Variants in NSD1 observed in about 807,000 individuals in gnomAD.
The protein encoded by NSD1 is nuclear receptor binding SET domain protein 1.
NSD1 carries 26 observed loss-of-function variants against 242.7 expected under a neutral mutation model. That is an observed-to-expected ratio of 0.11 (90% CI 0.08 to 0.15). NSD1 has a LOEUF of 0.15. NSD1 is among the 10% of genes least tolerant of loss of function. NSD1 has a pLI of 1.00. For synonymous variants in NSD1, 1,106 were observed against 1,178.1 expected, an observed-to-expected ratio of 0.94 and a Z score of 1.25; for missense variants, 2,495 against 3,272.8, an observed-to-expected ratio of 0.76 and a Z score of 5.80.
intron 2 of NSD1, among the ~76,000 whole-genome samples, chr5:177,158,443 A>G (rs1022609832): frequency 8.6e-5 from 13 of 151,152 alleles, no homozygotes; most frequent in East Asian, 5.9e-4. Flanking sequence ...GGTTCAAGCA[A>G]TTCTCTGCCT....
At chr5:177,280,441 T>C in intron 17 of NSD1, 124 bp from the exon 18 acceptor site, 1 of 1,036,816 alleles carries the variant, frequency 9.6e-7, no homozygotes. Context: ...AAACTAAGTG[T>C]TGATAGTTCA....
intron 2 of NSD1, among the ~76,000 whole-genome samples, chr5:177,155,789 A>G (rs1758080389): frequency 6.6e-6 from 1 of 150,868 alleles, no homozygotes; most frequent in African/African-American, 2.4e-5. Flanking sequence ...TGGGTTAAGC[A>G]ATTCTTCTGC....
intron 12 of NSD1, among the ~76,000 whole-genome samples, chr5:177,254,528 T>A (rs1287256895): frequency 1.3e-5 from 2 of 151,990 alleles, no homozygotes; most frequent in Admixed American, 1.3e-4. Flanking sequence ...GTCTCCCGAG[T>A]AGCAAGGATA....
intron 2 of NSD1, chr5:177,136,302 C>T: frequency 5.6e-6 from 2 of 359,404 alleles, no homozygotes; most frequent in Non-Finnish European, 1.0e-5. Flanking sequence ...GGTTTAATTT[C>T]TCAAGTTGGA....
chr5:177,274,416 GCTAAA>G lies in NSD1; in HGVS notation c.5622+633_5622+637del, dbSNP rs1758189249. On this transcript the variant is annotated intron_variant, in intron 17 of 22. Coordinates refer to ENST00000439151, the MANE Select transcript of NSD1 (RefSeq NM_022455.5). ...TTAGAAATTTTAGTGTTATGTTGTT[GCTAAA>G]ATAATTGCAGTTTTATCATTACTTT... Among the ~76,000 whole-genome samples the G allele has an allele frequency of 3.9e-5, 6 of 152,264 alleles. No individual in the cohort carries two copies. In the South Asian group the frequency reaches 1.2e-3, roughly 32 times the overall value.
Position 177,135,358 on chromosome 5 carries a change from G to A in NSD1, c.255G>A (p.Glu85=), listed in dbSNP as rs374787089. 2.4e-5 allele frequency: 39 copies of A among 1,612,468 alleles called. 1 individual carries two copies. In the South Asian group the frequency reaches 3.0e-4, roughly 12 times the overall value. Reference sequence around the variant, plus strand: ...ATTTGGCCTCCATGATCAATGTAGAGTATTTAAATGGGTCTGCTGATGGAT... The same window carrying A: ...ATTTGGCCTCCATGATCAATGTAGAATATTTAAATGGGTCTGCTGATGGAT... ...LQDLASMINV[E]YLNGSADGSE... Residue 85 remains glutamate, a synonymous_variant, in exon 2 of 23, where the codon GAG becomes GAA. Coordinates refer to ENST00000439151, the MANE Select transcript of NSD1 (RefSeq NM_022455.5).
chr5:177,185,195 C>G (rs1761003732), intron 2 of NSD1, among the ~76,000 whole-genome samples: 1 of 152,110 alleles, frequency 6.6e-6, no homozygotes. Context: ...TGGCTGGGTG[C>G]AGTGGCTCAT....
intron 19 of NSD1, among the ~76,000 whole-genome samples, 183 bp downstream of exon 19, chr5:177,282,764 G>A (rs1462997993): frequency 6.6e-6 from 1 of 152,172 alleles, no homozygotes; most frequent in Non-Finnish European, 1.5e-5. Flanking sequence ...TTCATGGCCA[G>A]AGGCAATACA....
intron 14 of NSD1, chr5:177,265,948 G>A (rs1184045688): frequency 6.4e-6 from 8 of 1,246,928 alleles, no homozygotes; most frequent in African/African-American, 3.0e-5. Context: ...TGAGGCAGGC[G>A]TTGGTAACCA....
intron 21 of NSD1, among the ~76,000 whole-genome samples, 172 bp from the exon 22 acceptor site, chr5:177,291,781 AC>A (rs1342070880): frequency 5.9e-5 from 9 of 152,210 alleles, no homozygotes; most frequent in Non-Finnish European, 1.2e-4. Context: ...AGTAGTTGAT[AC>A]AAAAATTATT....
At chr5:177,213,168 C>T (rs1276131942) in intron 5 of NSD1, among the ~76,000 whole-genome samples, 3 of 152,184 alleles carry the variant, frequency 2.0e-5, no homozygotes, top group Non-Finnish European at 4.4e-5. Flanking sequence ...ACTAACATTA[C>T]ACAGTATACA....
intron 2 of NSD1, among the ~76,000 whole-genome samples, chr5:177,142,701 T>C (rs1255526288): frequency 6.6e-6 from 1 of 152,244 alleles, no homozygotes; most frequent in Non-Finnish European, 1.5e-5. Context: ...CATTTTTCTA[T>C]GACATCTTTA....
At chr5:177,172,623 A>G (rs1046884510) in intron 2 of NSD1, among the ~76,000 whole-genome samples, 1 of 152,176 alleles carries the variant, frequency 6.6e-6, no homozygotes, top group African/African-American at 2.4e-5. Flanking sequence ...TGAGCCAACA[A>G]TAGTTTTTAC....
At chr5:177,168,339 T>C (rs1369350985) in intron 2 of NSD1, among the ~76,000 whole-genome samples, 2 of 151,914 alleles carry the variant, frequency 1.3e-5, no homozygotes, top group Non-Finnish European at 2.9e-5. Flanking sequence ...TATGATGGGT[T>C]TGTTGGGACT....
At chr5:177,184,045 A>G (rs1405317834) in intron 2 of NSD1, among the ~76,000 whole-genome samples, 1 of 152,278 alleles carries the variant, frequency 6.6e-6, no homozygotes, top group Non-Finnish European at 1.5e-5. Flanking sequence ...TCTGTTGAAC[A>G]CTTAGGTTAT....
At chr5:177,209,592 A>G (rs1255084084) in intron 4 of NSD1, 44 bp from the exon 5 acceptor site, 10 of 1,459,246 alleles carry the variant, frequency 6.9e-6, no homozygotes, top group Non-Finnish European at 9.6e-6. Flanking sequence ...TCCCCCACCC[A>G]TTTCTTTGAT....
In NSD1 at chr5:177,141,916, C is replaced by T. The variant is rs190041134; in HGVS notation, c.927+5886C>T. Among the ~76,000 whole-genome samples, 67 of 152,270 alleles carry T rather than the reference C, an allele frequency of 4.4e-4. 1 individual carries two copies. The East Asian group carries it at 0.01, about 24-fold the overall frequency. On this transcript the variant is annotated intron_variant, in intron 2 of 22. Transcript: ENST00000439151. ...TGGTGCCATCTCGGCTCACTGCAAC[C>T]TCTGCCTTCTGGGTTCAAGTGATTC...
chr5:177,297,738 A>T lies in NSD1; in HGVS notation c.*2279A>T. On this transcript the variant is annotated 3_prime_UTR_variant, in exon 23 of 23. Transcript: ENST00000439151. ...TTTGATTCTAAAGTAGCTTCTCTAA[A>T]GTAGGCTTTGGTAGGTAATCAACTT... 1 of 233,026 alleles carries T rather than the reference A, an allele frequency of 4.3e-6. No individual in the cohort carries two copies. The allele number at this position is 233,026 out of a possible 1,614,324, so 14.4% of individuals were successfully genotyped here. A position where few individuals can be genotyped will look rare whatever the true frequency, so the allele number is the denominator to read the frequency against.
chr5:177,268,222 C>T (rs1581493774), intron 15 of NSD1, among the ~76,000 whole-genome samples: 1 of 151,076 alleles, frequency 6.6e-6, no homozygotes, highest in Admixed American at 6.6e-5. Flanking sequence ...GATCCTGCCG[C>T]CTCAGCCTCC....
Sources: allele counts gnomAD v4.1 joint callset (sites outside exome capture counted in the v4.1 genomes callset), GRCh38; gene constraint gnomAD v4.1.1; transcripts MANE v1.5; gene names NCBI Gene and HGNC (gene_info 2026-07-23, HGNC 2026-07-21).